Variants in EGFR observed in about 807,000 individuals in gnomAD.
The protein encoded by EGFR is avian erythroblastic leukemia viral (v-erb-b) oncogene homolog.
A neutral mutation model predicts 143.0 loss-of-function variants in EGFR; 58 were observed. The ratio of observed to expected loss-of-function variants is 0.41; its 90% CI spans 0.33 to 0.50. The LOEUF (loss-of-function observed/expected upper bound fraction) is 0.50, where lower values mean the gene tolerates loss of function less well. Among genes scored for constraint, EGFR ranks in the 20% least tolerant of loss-of-function variants. The pLI is 0.39. For synonymous variants in EGFR, 613 were observed against 594.4 expected (o/e 1.03, Z -0.45); for missense variants, 1,307 against 1,579.0 (o/e 0.83, Z 2.92).
chr7:55,114,615 A>G (rs1240645576), intron 1 of EGFR, among the ~76,000 whole-genome samples: 1 of 152,092 alleles, frequency 6.6e-6, no homozygotes, highest in African/African-American at 2.4e-5. Flanking sequence ...TACCTTTTTA[A>G]AAATACTATT....
chr7:55,157,609 C>T (rs1389436882), intron 10 of EGFR, 54 bp from the exon 11 acceptor site: 6 of 1,494,172 alleles, frequency 4.0e-6, no homozygotes, highest in Non-Finnish European at 4.7e-6. Context: ...ATGTCTCATA[C>T]AAAAAAGAAA....
intron 1 of EGFR, among the ~76,000 whole-genome samples, chr7:55,054,255 A>G (rs1788658845): frequency 6.6e-6 from 1 of 152,192 alleles, no homozygotes. Flanking sequence ...TCAGCCTATC[A>G]TTCTACCTCT....
intron 1 of EGFR, among the ~76,000 whole-genome samples, chr7:55,114,881 T>TC (rs1198248409): frequency 9.6e-6 from 1 of 103,740 alleles, no homozygotes; most frequent in East Asian, 3.9e-4. Flanking sequence ...GTATTATTCT[T>TC]TTTTTTTTTT....
intron 1 of EGFR, among the ~76,000 whole-genome samples, chr7:55,030,775 A>G (rs1024614770): frequency 1.3e-5 from 2 of 152,196 alleles, no homozygotes; most frequent in South Asian, 4.1e-4. Context: ...AAGAGTGTTC[A>G]TTTTCCATAT....
intron 1 of EGFR, among the ~76,000 whole-genome samples, chr7:55,041,732 G>A (rs1787910148): frequency 6.6e-6 from 1 of 152,172 alleles, no homozygotes; most frequent in African/African-American, 2.4e-5. Context: ...TAGAAAAACA[G>A]TTATGTCCAA....
intron 27 of EGFR, among the ~76,000 whole-genome samples, chr7:55,204,532 ACG>A (rs1788020652): frequency 7.0e-6 from 1 of 142,294 alleles, no homozygotes; most frequent in East Asian, 2.2e-4. Flanking sequence ...CCCCACACAT[ACG>A]CATATATACA....
chr7:55,102,180 C>T (rs1562715512), intron 1 of EGFR, among the ~76,000 whole-genome samples: 1 of 152,160 alleles, frequency 6.6e-6, no homozygotes, highest in Non-Finnish European at 1.5e-5. Context: ...CTTCCCTCAC[C>T]CAGAGCCTCA....
chr7:55,101,980 G>C (rs1057339009), intron 1 of EGFR, among the ~76,000 whole-genome samples: 11 of 152,146 alleles, frequency 7.2e-5, no homozygotes, highest in African/African-American at 2.4e-4. Context: ...ACTCTGTATC[G>C]AAGCTCGGCT....
chr7:55,141,660 C>T (rs17289561), intron 1 of EGFR, among the ~76,000 whole-genome samples: 2,170 of 152,246 alleles, frequency 0.014, 62 homozygotes, highest in African/African-American at 0.049. Flanking sequence ...TATTTTTAAT[C>T]TCCAGCCAGT....
chr7:55,088,328 A>G (rs1419198823), intron 1 of EGFR, among the ~76,000 whole-genome samples: 1 of 152,220 alleles, frequency 6.6e-6, no homozygotes, highest in Non-Finnish European at 1.5e-5. Context: ...TCCAGTCTAT[A>G]AAACAGACGC....
chr7:55,050,410 C>G (rs2128873769), intron 1 of EGFR, among the ~76,000 whole-genome samples: 1 of 152,328 alleles, frequency 6.6e-6, no homozygotes. Context: ...CACGTTGCAG[C>G]ATATGGCAGA....
chr7:55,150,254 C>G (rs1427847231), intron 4 of EGFR, among the ~76,000 whole-genome samples: 1 of 152,358 alleles, frequency 6.6e-6, no homozygotes, highest in East Asian at 1.9e-4. Flanking sequence ...GATCTAGCTG[C>G]TTTTAGCACG....
At chr7:55,204,127 C>G (rs1583662134) in intron 27 of EGFR, among the ~76,000 whole-genome samples, 1 of 149,328 alleles carries the variant, frequency 6.7e-6, no homozygotes, top group South Asian at 2.1e-4. Flanking sequence ...GATGATATAC[C>G]TCTTTACACA....
At chr7:55,142,814 C>G (rs948320562) in intron 2 of EGFR, among the ~76,000 whole-genome samples, 3 of 152,122 alleles carry the variant, frequency 2.0e-5, no homozygotes, top group African/African-American at 7.2e-5. Context: ...TTCAAGGTAC[C>G]AAGTTTCACT....
intron 27 of EGFR, chr7:55,203,012 T>C (rs78824883): frequency 1.9e-4 from 84 of 433,164 alleles, no homozygotes; most frequent in Non-Finnish European, 3.3e-4. Context: ...TATCTTGACC[T>C]GTGAAACGTA....
At chr7:55,054,481 G>A (rs1425756124) in intron 1 of EGFR, among the ~76,000 whole-genome samples, 2 of 152,228 alleles carry the variant, frequency 1.3e-5, no homozygotes, top group Non-Finnish European at 2.9e-5. Context: ...CGTGGCAGCA[G>A]CTCCTTTAAT....
chr7:55,030,995 C>G (rs1011964703), intron 1 of EGFR, among the ~76,000 whole-genome samples: 1 of 152,200 alleles, frequency 6.6e-6, no homozygotes, highest in Non-Finnish European at 1.5e-5. Context: ...CATTTTCCTC[C>G]ACAAGAAAGG....
intron 1 of EGFR, among the ~76,000 whole-genome samples, chr7:55,084,445 GA>G (rs1790642391): frequency 6.6e-6 from 1 of 152,196 alleles, no homozygotes; most frequent in Admixed American, 6.5e-5. Flanking sequence ...GCCCACTCAG[GA>G]TAACTTCATT....
chr7:55,151,411 C>T (rs2128932784), intron 5 of EGFR, 49 bp downstream of exon 5: 2 of 1,580,994 alleles, frequency 1.3e-6, no homozygotes, highest in Non-Finnish European at 1.7e-6. Context: ...CCCTCTCTTC[C>T]TTCACTTGCT....
Sources: allele counts gnomAD v4.1 joint callset (sites outside exome capture counted in the v4.1 genomes callset), GRCh38; gene constraint gnomAD v4.1.1; transcripts MANE v1.5; gene names NCBI Gene and HGNC (gene_info 2026-07-23, HGNC 2026-07-21).